The following NLGN1 variants were observed in gnomAD, a reference collection of about 807,000 sequenced individuals.
The protein encoded by NLGN1 is neuroligin-1.
A neutral mutation model predicts 65.5 loss-of-function variants in NLGN1; 12 were observed. That is an observed-to-expected ratio of 0.18 (90% confidence interval 0.12 to 0.30). The LOEUF (loss-of-function observed/expected upper bound fraction) is 0.30, where lower values mean the gene tolerates loss of function less well. Among genes scored for constraint, NLGN1 ranks in the 10% least tolerant of loss-of-function variants. The pLI is 1.00. For missense variants in NLGN1, 750 were observed against 1,007.1 expected (o/e 0.74, Z 3.46); for synonymous variants, 350 against 359.5 (o/e 0.97, Z 0.30).
Position 173,908,285 on chromosome 3 carries a change from A to G in NLGN1, c.646+100453A>G, listed in dbSNP as rs189463100. Among the ~76,000 whole-genome samples the G allele has an allele frequency of 7.2e-5, 11 of 152,296 alleles. No individual in the cohort carries two copies. In the East Asian group the frequency reaches 2.1e-3, roughly 29 times the overall value. ...TTAGAACCACCTGGGGAGTTTTTGCAACTTACCAATACCAACCTTCCACCT... is the reference window on the plus strand; with the variant it reads ...TTAGAACCACCTGGGGAGTTTTTGCGACTTACCAATACCAACCTTCCACCT... On this transcript the variant is annotated intron_variant, in intron 4 of 6. Transcript: ENST00000457714.
intron 4 of NLGN1, among the ~76,000 whole-genome samples, chr3:174,016,485 A>G (rs1726578580): frequency 6.6e-6 from 1 of 152,168 alleles, no homozygotes; most frequent in Admixed American, 6.5e-5. Flanking sequence ...AGTGCACAAG[A>G]TATCAGCAGA....
chr3:173,883,861 AAATT>A (rs202088469), intron 4 of NLGN1, among the ~76,000 whole-genome samples: 1,589 of 149,890 alleles, frequency 0.011, 32 homozygotes, highest in African/African-American at 0.034. Flanking sequence ...TTAAAGGTAA[AAATT>A]AATTCTCTCA....
intron 4 of NLGN1, among the ~76,000 whole-genome samples, chr3:174,048,579 G>GA (rs910629547): frequency 7.3e-5 from 11 of 150,728 alleles, no homozygotes; most frequent in African/African-American, 2.2e-4. Context: ...TTAGAGATAT[G>GA]AAAAAAAAAT....
chr3:173,711,804 G>A (rs1272284602), intron 3 of NLGN1, among the ~76,000 whole-genome samples: 1 of 152,118 alleles, frequency 6.6e-6, no homozygotes, highest in African/African-American at 2.4e-5. Context: ...AGGAGGTAAG[G>A]TTAGAGACCA....
At chr3:174,237,318 A>C (rs916209033) in intron 4 of NLGN1, among the ~76,000 whole-genome samples, 2 of 152,086 alleles carry the variant, frequency 1.3e-5, no homozygotes, top group African/African-American at 4.8e-5. Flanking sequence ...TGTTTTGTTC[A>C]TTTGTCTATC....
intron 4 of NLGN1, among the ~76,000 whole-genome samples, chr3:174,216,449 C>T (rs1184390292): frequency 6.6e-6 from 1 of 152,064 alleles, no homozygotes; most frequent in Non-Finnish European, 1.5e-5. Flanking sequence ...ATACTATGTA[C>T]CATCAACTAT....
chr3:174,081,253 ATACT>A (rs1477717438), intron 4 of NLGN1, among the ~76,000 whole-genome samples: 1 of 152,090 alleles, frequency 6.6e-6, no homozygotes, highest in Non-Finnish European at 1.5e-5. Flanking sequence ...TGAAATGGGG[ATACT>A]TAAATTATAG....
At chr3:173,830,535 C>T (rs1212417790) in intron 4 of NLGN1, among the ~76,000 whole-genome samples, 1 of 152,094 alleles carries the variant, frequency 6.6e-6, no homozygotes, top group African/African-American at 2.4e-5. Flanking sequence ...CTATTTGGGA[C>T]ACATGGTTGC....
chr3:174,053,688 C>T (rs1164109514), intron 4 of NLGN1, among the ~76,000 whole-genome samples: 1 of 151,790 alleles, frequency 6.6e-6, no homozygotes, highest in Admixed American at 6.6e-5. Flanking sequence ...CTTTCTTACT[C>T]GAGCCATCTT....
intron 4 of NLGN1, among the ~76,000 whole-genome samples, chr3:173,884,632 A>C (rs1393249473): frequency 6.6e-6 from 1 of 152,180 alleles, no homozygotes; most frequent in Non-Finnish European, 1.5e-5. Context: ...AGTTTCCTAC[A>C]TGTGCATGTA....
intron 3 of NLGN1, among the ~76,000 whole-genome samples, chr3:173,675,367 G>T (rs528056319): frequency 6.6e-6 from 1 of 152,138 alleles, no homozygotes; most frequent in East Asian, 1.9e-4. Flanking sequence ...CAATTGACCA[G>T]CCAGCTCAAT....
chr3:174,224,187 G>C (rs966498980), intron 4 of NLGN1, among the ~76,000 whole-genome samples: 1 of 152,106 alleles, frequency 6.6e-6, no homozygotes, highest in Non-Finnish European at 1.5e-5. Context: ...GGCCAATAAA[G>C]AATGCTTCTT....
chr3:173,676,438 G>A (rs557000208), intron 3 of NLGN1, among the ~76,000 whole-genome samples: 27 of 152,050 alleles, frequency 1.8e-4, no homozygotes, highest in Non-Finnish European at 3.5e-4. Flanking sequence ...CCTGACAGTG[G>A]CTATTCAGTA....
chr3:173,521,604 C>T (rs1734772346), intron 2 of NLGN1, among the ~76,000 whole-genome samples: 1 of 152,174 alleles, frequency 6.6e-6, no homozygotes, highest in African/African-American at 2.4e-5. Context: ...GTTATATCTG[C>T]TCCCATAGAA....
At chr3:173,697,605 G>A (rs1482242056) in intron 3 of NLGN1, among the ~76,000 whole-genome samples, 1 of 151,968 alleles carries the variant, frequency 6.6e-6, no homozygotes, top group East Asian at 1.9e-4. Context: ...TCAGCTCACC[G>A]CAACCTCTGC....
At chr3:173,518,885 C>T (rs770165408) in intron 2 of NLGN1, among the ~76,000 whole-genome samples, 11 of 152,088 alleles carry the variant, frequency 7.2e-5, no homozygotes, top group Non-Finnish European at 1.6e-4. Context: ...GGGGGAAAGG[C>T]CTCGATGGCA....
At chr3:173,792,859 G>C (rs1417739652) in intron 3 of NLGN1, among the ~76,000 whole-genome samples, 3 of 152,054 alleles carry the variant, frequency 2.0e-5, no homozygotes, top group Non-Finnish European at 4.4e-5. Context: ...GCTTCCATTT[G>C]GAATAGAAAA....
At chr3:174,066,564 C>CTCTCTCTCTG (rs1553925385) in intron 4 of NLGN1, among the ~76,000 whole-genome samples, 1,233 of 99,658 alleles carry the variant, frequency 0.012, 20 homozygotes, top group African/African-American at 0.017. Flanking sequence ...CTCTCTCTCT[C>CTCTCTCTCTG]TGTGTGTGTG....
At chr3:173,717,322 G>GT (rs1770023926) in intron 3 of NLGN1, among the ~76,000 whole-genome samples, 1 of 152,150 alleles carries the variant, frequency 6.6e-6, no homozygotes, top group Admixed American at 6.5e-5. Flanking sequence ...TTTTTAAGCT[G>GT]TTAAGATCTC....
Sources: allele counts gnomAD v4.1 joint callset (sites outside exome capture counted in the v4.1 genomes callset), GRCh38; gene constraint gnomAD v4.1.1; transcripts MANE v1.5; gene names NCBI Gene and HGNC (gene_info 2026-07-23, HGNC 2026-07-21).